The following TNFRSF10B variants were observed in gnomAD, a reference collection of about 807,000 sequenced individuals.
The protein encoded by TNFRSF10B is tumor necrosis factor receptor superfamily member 10B.
In TNFRSF10B, 35 loss-of-function variants were observed where a neutral mutation model predicts 41.4. The observed-to-expected ratio is 0.85, with a 90% confidence interval of 0.65 to 1.12. TNFRSF10B has a LOEUF of 1.12. TNFRSF10B is among the 50% of genes most tolerant of loss of function. The pLI is 0.00. For synonymous variants in TNFRSF10B, 230 were observed against 215.5 expected (o/e 1.07, Z -0.59); for missense variants, 584 against 552.7 (o/e 1.06, Z -0.57).
chr8:23,040,734 CA>C (rs1331776576), intron 2 of TNFRSF10B, among the ~76,000 whole-genome samples: 1 of 151,754 alleles, frequency 6.6e-6, no homozygotes, highest in African/African-American at 2.4e-5. Context: ...AAAACAAACG[CA>C]AAAAATAGAC....
At chr8:23,047,829 T>C (rs1172583687) in intron 1 of TNFRSF10B, among the ~76,000 whole-genome samples, 1 of 152,234 alleles carries the variant, frequency 6.6e-6, no homozygotes, top group East Asian at 1.9e-4. Flanking sequence ...AGAATTATTA[T>C]ATGCTCCAGC....
At position 23,028,592 on chromosome 8, in the gene TNFRSF10B, C is replaced by A. The variant is rs1811783137; in HGVS notation, c.487G>T (p.Gly163Trp). Residue 163 changes from glycine (G) to tryptophan (W), a missense_variant, in exon 5 of 9, where the codon GGG becomes TGG. By Grantham distance (184) the Gly-to-Trp change is radical (BLOSUM62 -2). Transcript: ENST00000276431. The part of the protein sequence containing the change: ...CRKCRTGCPR[G>W]MVKVGDCTPW... ...GTACAATCACCGACCTTGACCATCCCTCTGGGACACCTGGGTACACACACA... is the reference window on the plus strand; with the variant it reads ...GTACAATCACCGACCTTGACCATCCATCTGGGACACCTGGGTACACACACA... The A allele has an allele frequency of 1.2e-6, 2 of 1,613,938 alleles. No homozygotes were observed.
chr8:23,064,611 C>T (rs529557369), intron 1 of TNFRSF10B, among the ~76,000 whole-genome samples: 2 of 152,306 alleles, frequency 1.3e-5, no homozygotes, highest in Admixed American at 6.5e-5. Flanking sequence ...TGCCTCCTCC[C>T]GGACATGAGC....
At position 23,043,109 on chromosome 8, in the gene TNFRSF10B, C is replaced by T. The variant is rs767936638; in HGVS notation, c.250+29G>A. 1.4e-5 allele frequency: 23 copies of T among 1,598,734 alleles called. No homozygotes were observed. The Admixed American group carries it at 3.8e-4, about 27-fold the overall frequency. On this transcript the variant is annotated intron_variant, in intron 2 of 8. Coordinates refer to ENST00000276431, the MANE Select transcript of TNFRSF10B (RefSeq NM_003842.5). ...CTCATGGAGACAAGGGGAGGAGGGG[C>T]AAGGATTAGAGACCCATCTTGAACA... is the stretch of plus-strand genomic sequence containing the variant.
At chr8:23,049,500 AT>A (rs1231148649) in intron 1 of TNFRSF10B, among the ~76,000 whole-genome samples, 1 of 152,176 alleles carries the variant, frequency 6.6e-6, no homozygotes, top group Non-Finnish European at 1.5e-5. Context: ...ACCTGGACCC[AT>A]TTAGATTAAG....
intron 1 of TNFRSF10B, among the ~76,000 whole-genome samples, chr8:23,044,577 A>C (rs1186280981): frequency 1.3e-5 from 2 of 152,194 alleles, no homozygotes; most frequent in African/African-American, 4.8e-5. Context: ...GAATTTTAAG[A>C]GTATATTAGA....
At chr8:23,051,620 C>A (rs1812520871) in intron 1 of TNFRSF10B, among the ~76,000 whole-genome samples, 1 of 151,592 alleles carries the variant, frequency 6.6e-6, no homozygotes, top group Non-Finnish European at 1.5e-5. Context: ...TCTCGGCTCA[C>A]TGCAAGCTCT....
rs1813063646 is a variant in TNFRSF10B at position 23,068,405 on chromosome 8, G to C, written c.144+346C>G. On this transcript the variant is annotated intron_variant, in intron 1 of 8. Transcript: ENST00000276431. ...GGAAAGAAAGGAAGAAAGAGAAAAAGAGAAAGAAACAGAAAGTAAGGAAAG... is the reference window on the plus strand; with the variant it reads ...GGAAAGAAAGGAAGAAAGAGAAAAACAGAAAGAAACAGAAAGTAAGGAAAG... The C allele has an allele frequency of 1.3e-5, 5 of 387,102 alleles. No individual in the cohort carries two copies. In the South Asian group the frequency reaches 1.7e-4, roughly 13 times the overall value. 24.0% of individuals were successfully genotyped at this position (387,102 alleles called of 1,614,324 possible). A position where few individuals can be genotyped will look rare whatever the true frequency, so the allele number is the denominator to read the frequency against.
intron 1 of TNFRSF10B, chr8:23,068,381 G>A: frequency 3.2e-6 from 1 of 314,970 alleles, no homozygotes; most frequent in Non-Finnish European, 5.9e-6. Flanking sequence ...GGAAGGGAGG[G>A]AAAGAAAGGA....
intron 2 of TNFRSF10B, among the ~76,000 whole-genome samples, chr8:23,033,281 C>G (rs572646738): frequency 3.3e-5 from 5 of 151,946 alleles, no homozygotes; most frequent in Admixed American, 3.3e-4. Context: ...CAAAGGCATA[C>G]GAAGAGATAA....
intron 2 of TNFRSF10B, 164 bp downstream of exon 2, chr8:23,042,974 G>A (rs73543038): frequency 0.015 from 9,132 of 623,736 alleles, 469 homozygotes; most frequent in African/African-American, 0.13. Context: ...TGTGTGTCTT[G>A]ATACCATCCT....
At position 23,022,193 on chromosome 8, in the gene TNFRSF10B, A is replaced by C. The variant is rs1192389241; in HGVS notation, c.*478T>G. ...GAGAATCGCTTGAGCCTGAGAGGTC[A>C]AGGCTATAGTGAGCCAAGATTGCAC... On this transcript the variant is annotated 3_prime_UTR_variant, in exon 9 of 9. Coordinates refer to ENST00000276431, the MANE Select transcript of TNFRSF10B (RefSeq NM_003842.5). 6.7e-6 allele frequency: 3 copies of C among 450,884 alleles called. No individual in the cohort carries two copies. The highest frequency in any genetic ancestry group is 1.3e-5 in the Non-Finnish European group (3 of 224,420). 27.9% of individuals were successfully genotyped at this position (450,884 alleles called of 1,614,324 possible).
intron 1 of TNFRSF10B, among the ~76,000 whole-genome samples, chr8:23,056,233 G>A (rs1392358084): frequency 6.6e-6 from 1 of 152,116 alleles, no homozygotes; most frequent in African/African-American, 2.4e-5. Context: ...TCCTTATAGA[G>A]TCATCAGCTT....
At chr8:23,060,426 C>A (rs1453188038) in intron 1 of TNFRSF10B, among the ~76,000 whole-genome samples, 1 of 152,178 alleles carries the variant, frequency 6.6e-6, no homozygotes, top group African/African-American at 2.4e-5. Context: ...GTCTTGGCAT[C>A]CTTGTGAAAA....
chr8:23,028,389 A>C lies in TNFRSF10B; in HGVS notation c.690T>G (p.Phe230Leu), dbSNP rs1811774390. Residue 230 changes from phenylalanine to leucine, a missense_variant, in exon 5 of 9, where the codon TTT becomes TTG. Phe to Leu is a conservative substitution (Grantham distance 22, BLOSUM62 0). Transcript: ENST00000276431. ...TCTTCCACAGTAAAGACTTGCAAACAAACACAGCCACAATCAAGACTACGG... is the reference window on the plus strand; with the variant it reads ...TCTTCCACAGTAAAGACTTGCAAACCAACACAGCCACAATCAAGACTACGG... ...VAAVVLIVAV[F>L]VCKSLLWKKV... 3 of 1,614,168 alleles carry C rather than the reference A, an allele frequency of 1.9e-6. No homozygotes were observed. Among genetic ancestry groups the C allele is most frequent in the Non-Finnish European group, 2.5e-6 (3 of 1,180,014 alleles).
intron 1 of TNFRSF10B, among the ~76,000 whole-genome samples, chr8:23,065,149 T>C (rs948889285): frequency 1.3e-5 from 2 of 152,154 alleles, no homozygotes; most frequent in Admixed American, 6.5e-5. Context: ...CACACAGGGC[T>C]CATTTGTCCT....
intron 2 of TNFRSF10B, among the ~76,000 whole-genome samples, chr8:23,034,728 A>C (rs1189539961): frequency 1.3e-5 from 2 of 152,236 alleles, no homozygotes; most frequent in African/African-American, 4.8e-5. Flanking sequence ...CCTGCCTGTA[A>C]AGCACAAAAA....
At chr8:23,053,283 T>A (rs963533707) in intron 1 of TNFRSF10B, among the ~76,000 whole-genome samples, 1 of 152,108 alleles carries the variant, frequency 6.6e-6, no homozygotes, top group Non-Finnish European at 1.5e-5. Context: ...AATCCCAAAT[T>A]TACCAAGGTT....
intron 1 of TNFRSF10B, among the ~76,000 whole-genome samples, chr8:23,047,871 T>G (rs1414869679): frequency 3.9e-5 from 6 of 152,230 alleles, no homozygotes; most frequent in African/African-American, 1.4e-4. Context: ...CCAAAAAGAT[T>G]TGAAATCAGT....
Sources: gnomAD v4.1 joint callset for allele counts (sites outside exome capture counted in the v4.1 genomes callset) on GRCh38, gnomAD v4.1.1 for gene constraint, MANE v1.5 for transcripts, NCBI Gene and HGNC (gene_info 2026-07-23, HGNC 2026-07-21) for gene names.